TMEM150C: variants seen among roughly 807,000 people sequenced by gnomAD.
The protein encoded by TMEM150C is transmembrane protein 150C.
Under a neutral mutation model 29.9 loss-of-function variants are expected in TMEM150C, and 10 were observed. The observed-to-expected ratio is 0.33, with a 90% CI of 0.21 to 0.57. The LOEUF (loss-of-function observed/expected upper bound fraction) is 0.57, where lower values mean the gene tolerates loss of function less well. Ranked by LOEUF, TMEM150C falls within the 20% of genes least tolerant of loss-of-function variation. The pLI, the probability that TMEM150C is intolerant of heterozygous loss-of-function variation, is 0.88. For missense variants in TMEM150C, 251 were observed against 303.6 expected (o/e 0.83, Z 1.29); for synonymous variants, 101 against 112.5 (o/e 0.90, Z 0.64).
At chr4:82,560,981 C>T (rs1250090985) in intron 1 of TMEM150C, among the ~76,000 whole-genome samples, 1 of 152,184 alleles carries the variant, frequency 6.6e-6, no homozygotes, top group African/African-American at 2.4e-5. Flanking sequence ...TTCCCACATG[C>T]GGTCACAATC....
chr4:82,523,372 C>A (rs979778013), intron 1 of TMEM150C, among the ~76,000 whole-genome samples: 2 of 152,140 alleles, frequency 1.3e-5, no homozygotes, highest in African/African-American at 4.8e-5. Context: ...ATGTCACTTA[C>A]GTAGCCCTGC....
chr4:82,502,836 C>G (rs1723779779), intron 4 of TMEM150C, 42 bp from the exon 5 acceptor site: 1 of 1,588,154 alleles, frequency 6.3e-7, no homozygotes, highest in South Asian at 1.1e-5. Flanking sequence ...ATATCAAAAT[C>G]TATAATCCTC....
chr4:82,525,297 T>C (rs576082753), intron 1 of TMEM150C, among the ~76,000 whole-genome samples: 2 of 152,300 alleles, frequency 1.3e-5, no homozygotes, highest in South Asian at 2.1e-4. Context: ...GATTTTGTTA[T>C]AAAAGACAGA....
Position 82,540,114 on chromosome 4 carries a change from C to CTT in TMEM150C, c.-11+21790_-11+21791dup, listed in dbSNP as rs577728662. On this transcript the variant is annotated intron_variant, in intron 1 of 7. Transcript: ENST00000449862. ...TAGTCATTCAATGTTTCTACCTATTCTTTTTTTTTTTTTTTTTTTTTTTTT... is the reference window on the plus strand; with the variant it reads ...TAGTCATTCAATGTTTCTACCTATTCTTTTTTTTTTTTTTTTTTTTTTTTTTT... Among the ~76,000 whole-genome samples, 67 of 47,248 alleles carry CTT rather than the reference C, an allele frequency of 1.4e-3. 20 individuals carry two copies. The highest frequency in any genetic ancestry group is 2.9e-3 in the Non-Finnish European group (55 of 19,284). 31.0% of individuals were successfully genotyped at this position (47,248 alleles called of 152,430 possible).
intron 1 of TMEM150C, among the ~76,000 whole-genome samples, chr4:82,511,521 C>A (rs1724126960): frequency 7.6e-6 from 1 of 131,542 alleles, no homozygotes; most frequent in Admixed American, 9.3e-5. Context: ...GTCACTCAGG[C>A]TGGAGTGCAG....
At chr4:82,560,651 G>A (rs1018958142) in intron 1 of TMEM150C, among the ~76,000 whole-genome samples, 3 of 152,096 alleles carry the variant, frequency 2.0e-5, no homozygotes, top group Admixed American at 2.0e-4. Flanking sequence ...ATTTTTCCTT[G>A]AAATAGGAAA....
intron 6 of TMEM150C, chr4:82,491,380 G>A: frequency 1.6e-6 from 1 of 639,982 alleles, no homozygotes; most frequent in Non-Finnish European, 2.8e-6. Flanking sequence ...GGGTGAACTG[G>A]TTAATTGCAG....
chr4:82,503,196 T>G, intron 2 of TMEM150C, 84 bp from the exon 3 acceptor site: 1 of 916,458 alleles, frequency 1.1e-6, no homozygotes, highest in Non-Finnish European at 1.7e-6. Flanking sequence ...CTAACTGCAC[T>G]AATTCATATT....
chr4:82,492,864 G>GTGTATATATATA (rs71666742), intron 6 of TMEM150C, among the ~76,000 whole-genome samples: 73 of 90,248 alleles, frequency 8.1e-4, no homozygotes, highest in East Asian at 3.4e-3. Flanking sequence ...ATATGTTTGT[G>GTGTATATATATA]TATATATATA....
intron 1 of TMEM150C, among the ~76,000 whole-genome samples, chr4:82,557,227 G>A (rs1725763531): frequency 6.6e-6 from 1 of 152,116 alleles, no homozygotes; most frequent in African/African-American, 2.4e-5. Context: ...TAAAAATAAT[G>A]GTAGGTTACA....
chr4:82,509,517 C>T lies in TMEM150C; in HGVS notation c.-10-4850G>A, dbSNP rs567111132. ...TCTTTATAAAGTCAAAATTCACGGC[C>T]GGGTGGGGTGGCTCAAGCCTGAAAT... On this transcript the variant is annotated intron_variant, in intron 1 of 7. Coordinates refer to ENST00000449862, the MANE Select transcript of TMEM150C (RefSeq NM_001080506.3). Among the ~76,000 whole-genome samples, 3 of 152,144 alleles carry T rather than the reference C, an allele frequency of 2.0e-5. No individual in the cohort carries two copies. The South Asian group carries it at 6.2e-4, about 32-fold the overall frequency.
intron 4 of TMEM150C, 22 bp downstream of exon 4, chr4:82,502,873 C>T (rs770949510): frequency 6.3e-6 from 10 of 1,597,124 alleles, no homozygotes; most frequent in Non-Finnish European, 7.7e-6. Context: ...TCCCACAGGA[C>T]AGAAGAGAAT....
intron 1 of TMEM150C, among the ~76,000 whole-genome samples, chr4:82,513,656 A>T (rs572420450): frequency 1.6e-3 from 248 of 152,332 alleles, no homozygotes; most frequent in African/African-American, 5.7e-3. Context: ...AGAGAGATAC[A>T]AAAGAAGAGG....
chr4:82,489,325 G>A (rs76172564), intron 7 of TMEM150C, among the ~76,000 whole-genome samples: 10,424 of 152,006 alleles, frequency 0.069, 426 homozygotes, highest in African/African-American at 0.069. Context: ...GGGGCTAAGC[G>A]GAGTGAGGTG....
intron 1 of TMEM150C, among the ~76,000 whole-genome samples, chr4:82,549,672 C>A (rs1725504903): frequency 6.6e-6 from 1 of 152,162 alleles, no homozygotes; most frequent in Admixed American, 6.5e-5. Context: ...AAAAGGAAAT[C>A]ACTTAACAAA....
In TMEM150C at chr4:82,561,911, C is replaced by G. The variant is rs908040224; in HGVS notation, c.-16G>C. ...GGAGGGGGCGCCGCGCCTACCTGCT[C>G]TGGTGCGGCGGGGCCGCTGTCGCCT... On this transcript the variant is annotated 5_prime_UTR_variant, in exon 1 of 8. Transcript: ENST00000449862. 3.1e-5 allele frequency: 32 copies of G among 1,027,872 alleles called. No individual in the cohort carries two copies. The highest frequency in any genetic ancestry group is 3.5e-5 in the Non-Finnish European group (30 of 855,444). The allele number at this position is 1,027,872 out of a possible 1,614,324, so 63.7% of individuals were successfully genotyped here. A position where few individuals can be genotyped will look rare whatever the true frequency, so the allele number is the denominator to read the frequency against.
intron 1 of TMEM150C, among the ~76,000 whole-genome samples, chr4:82,525,021 A>G (rs1184675026): frequency 2.6e-5 from 4 of 152,212 alleles, no homozygotes; most frequent in Non-Finnish European, 5.9e-5. Flanking sequence ...ACCTATTGCA[A>G]TGTTCTCAGA....
At position 82,483,780 on chromosome 4, in the gene TMEM150C, AC is replaced by A. The variant is rs900085652; in HGVS notation, c.*1730del. ...TTCAGACTTTGGGTTGAATTAAAAAACGTTTTTCTTTTTTTCTTTTTTTTTT... is the reference window on the plus strand; with the variant it reads ...TTCAGACTTTGGGTTGAATTAAAAAAGTTTTTCTTTTTTTCTTTTTTTTTT... On this transcript the variant is annotated 3_prime_UTR_variant, in exon 8 of 8. Coordinates refer to ENST00000449862, the MANE Select transcript of TMEM150C (RefSeq NM_001080506.3). 3 of 149,538 alleles carry A rather than the reference AC, an allele frequency of 2.0e-5. No individual in the cohort carries two copies. Among genetic ancestry groups the A allele is most frequent in the African/African-American group, 7.5e-5 (3 of 39,938 alleles). 9.3% of individuals were successfully genotyped at this position (149,538 alleles called of 1,614,324 possible).
At chr4:82,555,416 TAGTC>T (rs1725706570) in intron 1 of TMEM150C, among the ~76,000 whole-genome samples, 1 of 152,180 alleles carries the variant, frequency 6.6e-6, no homozygotes, top group Middle Eastern at 3.2e-3. Flanking sequence ...ACAAAATCTG[TAGTC>T]AGTCTCTGGG....
Sources: allele counts gnomAD v4.1 joint callset (sites outside exome capture counted in the v4.1 genomes callset), GRCh38; gene constraint gnomAD v4.1.1; transcripts MANE v1.5; gene names NCBI Gene and HGNC (gene_info 2026-07-23, HGNC 2026-07-21).